Variants in DLG2 observed in about 807,000 individuals in gnomAD.
DLG2 encodes discs large MAGUK scaffold protein 2, also known as disks large homolog 2.
Under a neutral mutation model 132.5 loss-of-function variants are expected in DLG2, and 45 were observed. That is an observed-to-expected ratio of 0.34 (90% confidence interval 0.27 to 0.44). The LOEUF (loss-of-function observed/expected upper bound fraction) is 0.44. DLG2 is among the 20% of genes least tolerant of loss of function. DLG2 has a pLI of 1.00. For synonymous variants in DLG2, 424 were observed against 419.6 expected, an observed-to-expected ratio of 1.01 and a Z score of -0.13; for missense variants, 1,045 against 1,196.9, an observed-to-expected ratio of 0.87 and a Z score of 1.87.
chr11:84,118,089 G>A (rs539077582), intron 9 of DLG2, among the ~76,000 whole-genome samples: 31 of 152,050 alleles, frequency 2.0e-4, no homozygotes, highest in African/African-American at 5.8e-4. Context: ...ACTCCTGACC[G>A]CAGGTGATCC....
chr11:84,600,159 G>GGAAGGAAAGAAAGAAA (rs1291909906), intron 6 of DLG2, among the ~76,000 whole-genome samples: 1 of 96,102 alleles, frequency 1.0e-5, no homozygotes, highest in Non-Finnish European at 2.0e-5. Context: ...AAAGAAAGAA[G>GGAAGGAAAGAAAGAAA]GAAAGAAAGA....
intron 2 of DLG2, among the ~76,000 whole-genome samples, chr11:85,605,427 T>A (rs1012286859): frequency 6.6e-6 from 1 of 152,236 alleles, no homozygotes; most frequent in African/African-American, 2.4e-5. Flanking sequence ...GAATCACAAA[T>A]GTTCAAATTT....
chr11:84,755,497 C>T (rs1236752224), intron 6 of DLG2, among the ~76,000 whole-genome samples: 1 of 152,202 alleles, frequency 6.6e-6, no homozygotes, highest in Non-Finnish European at 1.5e-5. Context: ...AACCTCGGCT[C>T]ACTGCAAGCT....
At chr11:85,302,210 A>G (rs1210686290) in intron 3 of DLG2, among the ~76,000 whole-genome samples, 1 of 152,154 alleles carries the variant, frequency 6.6e-6, no homozygotes, top group Non-Finnish European at 1.5e-5. Context: ...TATCACAAAT[A>G]ATGATTTTGC....
chr11:84,693,256 C>A (rs115010072), intron 6 of DLG2, among the ~76,000 whole-genome samples: 7 of 151,854 alleles, frequency 4.6e-5, no homozygotes, highest in African/African-American at 1.4e-4. Flanking sequence ...GATACAATTT[C>A]CCTTTTAATA....
At chr11:83,688,125 G>A (rs1363319058) in intron 18 of DLG2, among the ~76,000 whole-genome samples, 5 of 152,090 alleles carry the variant, frequency 3.3e-5, no homozygotes, top group Admixed American at 6.6e-5. Flanking sequence ...AAGTGTCCAC[G>A]TTAATGGTCA....
intron 6 of DLG2, among the ~76,000 whole-genome samples, chr11:84,985,503 C>A (rs1292600262): frequency 6.6e-6 from 1 of 151,908 alleles, no homozygotes; most frequent in Admixed American, 6.6e-5. Flanking sequence ...ATTCATAGCC[C>A]TAAACGACTA....
At chr11:85,403,685 G>A (rs1421445144) in intron 3 of DLG2, among the ~76,000 whole-genome samples, 1 of 151,892 alleles carries the variant, frequency 6.6e-6, no homozygotes, top group African/African-American at 2.4e-5. Context: ...TTTGGAAGGA[G>A]AGAGTGGAAA....
intron 16 of DLG2, among the ~76,000 whole-genome samples, chr11:83,844,445 G>T (rs2058223920): frequency 6.7e-6 from 1 of 150,018 alleles, no homozygotes; most frequent in African/African-American, 2.5e-5. Context: ...CTACTTGGGT[G>T]GCTGAGGCAC....
chr11:85,025,387 A>C (rs1459914241), intron 6 of DLG2, among the ~76,000 whole-genome samples: 1 of 152,194 alleles, frequency 6.6e-6, no homozygotes, highest in South Asian at 2.1e-4. Flanking sequence ...TCCTCGATGA[A>C]ATGTTAGACA....
chr11:84,164,473 AC>A (rs895511309), intron 8 of DLG2, among the ~76,000 whole-genome samples: 1 of 152,208 alleles, frequency 6.6e-6, no homozygotes, highest in Non-Finnish European at 1.5e-5. Flanking sequence ...ACTTACATTT[AC>A]TTTTCTATCT....
At chr11:83,800,116 A>C (rs1469140912) in intron 17 of DLG2, among the ~76,000 whole-genome samples, 3 of 152,194 alleles carry the variant, frequency 2.0e-5, no homozygotes, top group East Asian at 1.9e-4. Context: ...ATCTCAATGC[A>C]GGCTCATTTG....
chr11:83,564,904 T>C (rs2096677255), intron 19 of DLG2, among the ~76,000 whole-genome samples: 1 of 152,192 alleles, frequency 6.6e-6, no homozygotes, highest in Non-Finnish European at 1.5e-5. Flanking sequence ...AAATATCTTC[T>C]AGTCAAAGAA....
intron 7 of DLG2, among the ~76,000 whole-genome samples, chr11:84,516,930 A>C (rs1461873674): frequency 6.7e-6 from 1 of 150,316 alleles, no homozygotes; most frequent in African/African-American, 2.4e-5. Flanking sequence ...TAAAACTATG[A>C]AACTACTAGA....
rs60317922 is a variant in DLG2 at position 85,209,595 on chromosome 11, C to CTTT, written c.187-54947_187-54945dup. Among the ~76,000 whole-genome samples the CTTT allele has an allele frequency of 1.4e-4, 16 of 116,932 alleles. 4 individuals are homozygous for CTTT. The highest frequency in any genetic ancestry group is 8.5e-4 in the South Asian group (3 of 3,544). The allele number at this position is 116,932 out of a possible 152,430, so 76.7% of individuals were successfully genotyped here. A position where few individuals can be genotyped will look rare whatever the true frequency, so the allele number is the denominator to read the frequency against. On this transcript the variant is annotated intron_variant, in intron 4 of 27. Coordinates refer to ENST00000376104, the MANE Select transcript of DLG2 (RefSeq NM_001142699.3). ...GGAGCACACTACCACACCCAGCTAA[C>CTTT]TTTTTTTTTTTTTTTTGTATGTTCA...
At chr11:84,382,230 C>T (rs2098751261) in intron 7 of DLG2, among the ~76,000 whole-genome samples, 1 of 152,016 alleles carries the variant, frequency 6.6e-6, no homozygotes, top group African/African-American at 2.4e-5. Context: ...GTTCTTTCTC[C>T]TCAAACCAGT....
At chr11:84,283,281 A>G (rs760661120) in intron 7 of DLG2, among the ~76,000 whole-genome samples, 8 of 152,232 alleles carry the variant, frequency 5.3e-5, no homozygotes, top group Admixed American at 2.6e-4. Context: ...CAGAGGCTAA[A>G]GTAACTGACA....
At chr11:84,229,223 C>T (rs2097055394) in intron 8 of DLG2, among the ~76,000 whole-genome samples, 1 of 151,956 alleles carries the variant, frequency 6.6e-6, no homozygotes, top group Non-Finnish European at 1.5e-5. Context: ...GGCAGGTATC[C>T]CTGTAATAAA....
At chr11:83,789,550 C>CTT (rs200050358) in intron 17 of DLG2, among the ~76,000 whole-genome samples, 13 of 144,118 alleles carry the variant, frequency 9.0e-5, no homozygotes, top group African/African-American at 1.5e-4. Context: ...AAACTGATGA[C>CTT]TTTTTTTTTT....
Sources: allele counts gnomAD v4.1 joint callset (sites outside exome capture counted in the v4.1 genomes callset), GRCh38; gene constraint gnomAD v4.1.1; transcripts MANE v1.5; gene names NCBI Gene and HGNC (gene_info 2026-07-23, HGNC 2026-07-21).